The following ATP8B3 variants were observed in gnomAD, a reference collection of about 807,000 sequenced individuals.
ATP8B3 encodes phospholipid-transporting ATPase IK.
In ATP8B3, 141 loss-of-function variants were observed where a neutral mutation model predicts 140.9. The observed-to-expected ratio is 1.00, with a 90% CI of 0.87 to 1.15. The LOEUF (loss-of-function observed/expected upper bound fraction) is 1.15, where lower values mean the gene tolerates loss of function less well. ATP8B3 is among the 50% of genes most tolerant of loss of function. The pLI is 0.00. For missense variants in ATP8B3, 1,874 were observed against 1,740.6 expected (o/e 1.08, Z -1.36); for synonymous variants, 765 against 714.6 (o/e 1.07, Z -1.13).
rs760721288 is a variant in ATP8B3, at chr19:1,791,864, G to A, written c.2191-3C>T. The A allele has an allele frequency of 9.3e-5, 149 of 1,610,246 alleles. 2 individuals carry two copies. The highest frequency in any genetic ancestry group is 6.8e-5 in the Non-Finnish European group (80 of 1,179,464). On this transcript the variant is annotated splice_polypyrimidine_tract_variant and splice_region_variant and intron_variant, in intron 19 of 28. Transcript: ENST00000310127. ...TCGATGGCTGTGGCTCCCAGCAGCT[G>A]GTGGGGGAGGAGGGCAGGGCGGGGA...
rs776504975 is a variant in ATP8B3, at chr19:1,789,700, C to T, written c.2506G>A (p.Glu836Lys). ...ACGTTCTGCGCCAGGGCGCGCGGCT[C>T]CTTCCGCAGGGACACCAGCAGTTTG... ...LDKLLVSLRK[E>K]PRALAQNVNM... Residue 836 changes from glutamate (E) to lysine (K), a missense_variant, in exon 23 of 29, where the codon GAG becomes AAG. By Grantham distance (56) the Glu-to-Lys change is moderately conservative. Transcript: ENST00000310127. 4 of 1,583,998 alleles carry T rather than the reference C, an allele frequency of 2.5e-6. No individual in the cohort carries two copies. In the Admixed American group the frequency reaches 5.2e-5, roughly 21 times the overall value.
At chr19:1,789,184 C>A (rs1434734981) in intron 23 of ATP8B3, 64 bp from the exon 24 acceptor site, 2 of 1,070,776 alleles carry the variant, frequency 1.9e-6, no homozygotes, top group Non-Finnish European at 2.6e-6. Context: ...CCCCCCAGAC[C>A]CCCGCACTGT....
chr19:1,801,595 CA>C (rs1342906033), intron 12 of ATP8B3, among the ~76,000 whole-genome samples: 1 of 151,846 alleles, frequency 6.6e-6, no homozygotes, highest in Non-Finnish European at 1.5e-5. Context: ...TACTAAAATA[CA>C]AAAAAATTAG....
chr19:1,784,695 A>G, intron 28 of ATP8B3, 124 bp downstream of exon 28: 1 of 1,321,294 alleles, frequency 7.6e-7, no homozygotes. Context: ...CCCTTCCCCC[A>G]AGCCTAGTGT....
Position 1,782,204 on chromosome 19 carries a change from G to T in ATP8B3, c.*824C>A. On this transcript the variant is annotated 3_prime_UTR_variant, in exon 29 of 29. Transcript: ENST00000310127. Reference sequence around the variant, plus strand: ...AACTGGCTGGAGCTTCTTCTTCCCAGGAAGGACATCTTCCTGATATGCCAG... The same window carrying T: ...AACTGGCTGGAGCTTCTTCTTCCCATGAAGGACATCTTCCTGATATGCCAG... The T allele has an allele frequency of 3.7e-6, 1 of 270,966 alleles. No individual in the cohort carries two copies. 16.8% of individuals were successfully genotyped at this position (270,966 alleles called of 1,614,324 possible). A position where few individuals can be genotyped will look rare whatever the true frequency, so the allele number is the denominator to read the frequency against.
rs751145820 is a variant in ATP8B3, at chr19:1,796,208, C to T, written c.1811G>A (p.Arg604Gln). Residue 604 changes from arginine to glutamine, a missense_variant, in exon 17 of 29, where the codon CGG (arginine) becomes CAG (glutamine). This residue lies in a region of ATP8B3 where 1,032 missense variants were observed against 963.6 expected (regional missense o/e 1.07). Coordinates refer to ENST00000310127, the MANE Select transcript of ATP8B3 (RefSeq NM_138813.4). The part of the protein sequence containing the change: ...PDEGALVTAA[R>Q]NFGYVFLSRT... ...GGACAGGAACACGTAGCCGAAGTTC[C>T]GGGCTGCGGTGACCAGCGCCCCCTC... 5.8e-5 allele frequency: 93 copies of T among 1,612,656 alleles called. No individual in the cohort carries two copies. Among genetic ancestry groups the T allele is most frequent in the South Asian group, 2.2e-4 (20 of 91,082 alleles).
At position 1,807,291 on chromosome 19, in the gene ATP8B3, G is replaced by A. The variant is rs1297007789; in HGVS notation, c.517-25C>T. 5.0e-6 allele frequency: 8 copies of A among 1,585,472 alleles called. No individual in the cohort carries two copies. The highest frequency in any genetic ancestry group is 6.9e-6 in the Non-Finnish European group (8 of 1,156,394). On this transcript the variant is annotated intron_variant, in intron 5 of 28. Coordinates refer to ENST00000310127, the MANE Select transcript of ATP8B3 (RefSeq NM_138813.4). This position sits in a 1 kb window ranked among gnomAD's most constrained non-coding sequence, Gnocchi z 5.9. ...TCTGACGTGAGGGGGCCACAGGAAG[G>A]GTCACACCAGCCCACTCCCCCGTCC...
chr19:1,796,973 C>T lies in ATP8B3; in HGVS notation c.1584+1G>A, dbSNP rs1390358816. ...CCGCGCTGCAAGCCAGGCAGGCTCA[C>T]CTTAGGTCGGGTCGTGGCCTCTGAA... On this transcript the variant is annotated splice_donor_variant, in intron 15 of 28. Transcript: ENST00000310127. LOFTEE classifies it high-confidence loss of function. The T allele has an allele frequency of 5.0e-6, 8 of 1,612,888 alleles. No homozygotes were observed. The African/African-American group carries it at 5.3e-5, about 11-fold the overall frequency.
chr19:1,784,747 C>T (rs1181157418), intron 28 of ATP8B3, 72 bp downstream of exon 28: 15 of 1,486,006 alleles, frequency 1.0e-5, no homozygotes, highest in Admixed American at 4.5e-5. Context: ...GCAGTCCCTA[C>T]GCCCTGCACG....
intron 10 of ATP8B3, among the ~76,000 whole-genome samples, chr19:1,804,685 A>G (rs2068958095): frequency 6.6e-6 from 1 of 152,088 alleles, no homozygotes; most frequent in South Asian, 2.1e-4. Context: ...ACGCACCTGT[A>G]ATCCCAGCTA....
intron 24 of ATP8B3, 32 bp from the exon 25 acceptor site, chr19:1,787,218 G>A (rs1460928215): frequency 1.3e-6 from 2 of 1,571,060 alleles, no homozygotes; most frequent in South Asian, 1.1e-5. Flanking sequence ...AGGAGAACAA[G>A]TCAGCCTCCA....
In ATP8B3 at chr19:1,809,722, T is replaced by A. The variant is rs1266308037; in HGVS notation, c.323A>T (p.Lys108Met). The A allele has an allele frequency of 3.7e-6, 6 of 1,608,890 alleles. No individual in the cohort carries two copies. The African/African-American group carries it at 8.0e-5, about 21-fold the overall frequency. Residue 108 changes from lysine (K) to methionine (M), a missense_variant, in exon 4 of 29, where the codon AAG becomes ATG. Physicochemically the swap from Lys to Met is moderately conservative, Grantham distance 95. This residue lies in a region of ATP8B3 where 1,032 missense variants were observed against 963.6 expected (regional missense o/e 1.07). Transcript: ENST00000310127. ...GTAGGCACGGTTGTTGGCCTGGACCTTCCAGGTGAATGCTGCAGCGAGAGA... is the reference window on the plus strand; with the variant it reads ...GTAGGCACGGTTGTTGGCCTGGACCATCCAGGTGAATGCTGCAGCGAGAGA... The part of the protein sequence containing the change: ...DEDRNSAFTW[K>M]VQANNRAYNG...
chr19:1,790,976 A>T, intron 20 of ATP8B3, 144 bp from the exon 21 acceptor site: 1 of 709,492 alleles, frequency 1.4e-6, no homozygotes, highest in Non-Finnish European at 2.3e-6. Flanking sequence ...GGTTCAGAGA[A>T]GGGCTTGTAA....
intron 24 of ATP8B3, among the ~76,000 whole-genome samples, chr19:1,787,941 C>A (rs2068360457): frequency 6.6e-6 from 1 of 151,768 alleles, no homozygotes; most frequent in South Asian, 2.1e-4. Flanking sequence ...ACTAGAGGGG[C>A]TGAGGCAGGA....
intron 4 of ATP8B3, among the ~76,000 whole-genome samples, chr19:1,809,034 C>A (rs1047123962): frequency 1.3e-5 from 2 of 151,362 alleles, no homozygotes; most frequent in African/African-American, 2.4e-5. Flanking sequence ...ATTAGCCGGG[C>A]GTGGTTGTGG....
chr19:1,784,457 G>A (rs1348838015), intron 28 of ATP8B3, among the ~76,000 whole-genome samples: 1 of 152,190 alleles, frequency 6.6e-6, no homozygotes, highest in Admixed American at 6.5e-5. Flanking sequence ...CGAGGCTGCA[G>A]TGAGCCGAGA....
chr19:1,784,358 C>A (rs2068238376), intron 28 of ATP8B3, among the ~76,000 whole-genome samples: 1 of 151,932 alleles, frequency 6.6e-6, no homozygotes, highest in African/African-American at 2.4e-5. Flanking sequence ...TAGAAAATAA[C>A]TACAAAATTA....
intron 18 of ATP8B3, among the ~76,000 whole-genome samples, chr19:1,792,903 A>C (rs1360507090): frequency 1.5e-5 from 2 of 131,460 alleles, no homozygotes; most frequent in Non-Finnish European, 3.2e-5. Flanking sequence ...TATCAGAGCA[A>C]GATTCTGTTT....
At chr19:1,809,123 G>A (rs893095057) in intron 4 of ATP8B3, among the ~76,000 whole-genome samples, 2 of 152,030 alleles carry the variant, frequency 1.3e-5, no homozygotes, top group Non-Finnish European at 2.9e-5. Flanking sequence ...GCAGTGAGCC[G>A]AGATCTCGCC....
Sources: allele counts gnomAD v4.1 joint callset (sites outside exome capture counted in the v4.1 genomes callset), GRCh38; gene constraint gnomAD v4.1.1; regional missense constraint gnomAD v4.1.1; non-coding constraint Gnocchi (gnomAD v3.1); transcripts MANE v1.5; gene names NCBI Gene and HGNC (gene_info 2026-07-23, HGNC 2026-07-21).